C5: variants seen among roughly 807,000 people sequenced by gnomAD.
C5 encodes the protein C3 and PZP-like alpha-2-macroglobulin domain-containing protein 4.
A neutral mutation model predicts 218.8 loss-of-function variants in C5; 140 were observed. That is an observed-to-expected ratio of 0.64 (90% CI 0.56 to 0.74). The LOEUF is 0.74. Ranked by LOEUF, C5 falls within the 30% of genes least tolerant of loss-of-function variation. The pLI, the probability that C5 is intolerant of heterozygous loss-of-function variation, is 0.00. For synonymous variants in C5, 614 were observed against 682.3 expected (o/e 0.90, Z 1.56); for missense variants, 1,700 against 1,969.6 (o/e 0.86, Z 2.59).
intron 17 of C5, among the ~76,000 whole-genome samples, chr9:121,013,133 A>C (rs1300581458): frequency 6.6e-6 from 1 of 152,140 alleles, no homozygotes; most frequent in African/African-American, 2.4e-5. Flanking sequence ...CAGCCTGGCC[A>C]ATATGGTGAA....
At chr9:121,000,089 A>G in intron 20 of C5, 1 of 259,384 alleles carries the variant, frequency 3.9e-6, no homozygotes, top group Non-Finnish European at 7.7e-6. Context: ...CAAGTTATAT[A>G]TAATTGTGTT....
intron 7 of C5, among the ~76,000 whole-genome samples, chr9:121,028,547 A>G (rs2047445145): frequency 1.3e-5 from 2 of 152,322 alleles, no homozygotes; most frequent in East Asian, 3.9e-4. Flanking sequence ...CTTTGCAGGG[A>G]CATGGATGAA....
Position 121,013,086 on chromosome 9 carries a change from G to A in C5, c.2257+787C>T, listed in dbSNP as rs553454016. Among the ~76,000 whole-genome samples, 43 of 152,096 alleles carry A rather than the reference G, an allele frequency of 2.8e-4. 1 individual carries two copies. Among genetic ancestry groups the A allele is most frequent in the Admixed American group, 2.5e-3 (38 of 15,260 alleles). ...TGTAATCTCAGCACTTTGGGAGGCC[G>A]AGGTGGACGGATCACCTGAGGTCAG... On this transcript the variant is annotated intron_variant, in intron 17 of 40. Transcript: ENST00000223642.
At chr9:120,989,233 C>T (rs904175491) in intron 24 of C5, 112 bp from the exon 25 acceptor site, 20 of 840,220 alleles carry the variant, frequency 2.4e-5, no homozygotes, top group Non-Finnish European at 3.7e-5. Context: ...GGGCAGCAAG[C>T]ATATGCTCTG....
In C5 at chr9:120,989,589, G is replaced by A. The variant is rs781538264; in HGVS notation, c.3133C>T (p.Leu1045=). 20 of 1,603,772 alleles carry A rather than the reference G, an allele frequency of 1.2e-5. No homozygotes were observed. The highest frequency in any genetic ancestry group is 1.7e-5 in the Non-Finnish European group (20 of 1,174,794). The change falls in exon 24 of 41, where the codon CTG becomes TTG. Residue 1045 remains leucine (L), a synonymous_variant. Coordinates refer to ENST00000223642, the MANE Select transcript of C5 (RefSeq NM_001735.3). ...TTACCTTCTTTTAATTTTTTCTTCA[G>A]TTTCTGCTTTTCAATTAATGGGTCA... ...HSDPLIEKQK[L]KKKLKEGMLS...
Position 121,020,123 on chromosome 9 carries a change from T to C in C5, c.1359A>G (p.Arg453=), listed in dbSNP as rs746198140. The change falls in exon 12 of 41, where the codon CGA becomes CGG. Residue 453 remains arginine, a synonymous_variant. Transcript: ENST00000223642. ...GGCTGAGAGATGAGTATGCTATTGC[T>C]CGGTAACCTTCCCTGGCCTGATTTT... is the stretch of plus-strand genomic sequence containing the variant. ...PEENQAREGY[R]AIAYSSLSQS... is the part of the protein sequence containing the mutation. 25 of 1,614,094 alleles carry C rather than the reference T, an allele frequency of 1.5e-5. No individual in the cohort carries two copies. The highest frequency in any genetic ancestry group is 2.1e-5 in the Non-Finnish European group (25 of 1,179,950).
At chr9:121,002,931 A>T (rs979477274) in intron 20 of C5, among the ~76,000 whole-genome samples, 3 of 152,166 alleles carry the variant, frequency 2.0e-5, no homozygotes, top group Non-Finnish European at 4.4e-5. Flanking sequence ...CATAGGATTT[A>T]TGCAAACCCT....
At chr9:120,991,710 A>G (rs549304852) in intron 22 of C5, among the ~76,000 whole-genome samples, 139 of 152,272 alleles carry the variant, frequency 9.1e-4, no homozygotes, top group African/African-American at 2.5e-3. Context: ...TTCCCAGTCT[A>G]GTTTTGATAC....
chr9:121,034,108 C>A (rs41308010), intron 5 of C5, among the ~76,000 whole-genome samples: 2 of 151,978 alleles, frequency 1.3e-5, no homozygotes, highest in Non-Finnish European at 2.9e-5. Context: ...TTGATAGAGA[C>A]GGGGTTTCAC....
the C5 span, among the ~76,000 whole-genome samples, chr9:121,067,387 CCT>C: frequency 6.6e-6 from 1 of 151,652 alleles, no homozygotes; most frequent in Non-Finnish European, 1.5e-5. Flanking sequence ...ATGGTGAAAC[CCT>C]GTCTCTACTA....
chr9:121,034,014 A>C (rs1020881576), intron 5 of C5, among the ~76,000 whole-genome samples: 5 of 151,744 alleles, frequency 3.3e-5, no homozygotes, highest in African/African-American at 1.2e-4. Flanking sequence ...CTCACCTCCC[A>C]GATTCAAGCG....
chr9:121,070,598 AG>A, the C5 span, among the ~76,000 whole-genome samples: 1 of 151,926 alleles, frequency 6.6e-6, no homozygotes, highest in Non-Finnish European at 1.5e-5. Flanking sequence ...AATGGAAGAC[AG>A]TATATTACGT....
Position 120,989,619 on chromosome 9 carries a change from G to C in C5, c.3103C>G (p.His1035Asp), listed in dbSNP as rs774632116. 7.4e-6 allele frequency: 12 copies of C among 1,612,806 alleles called. No homozygotes were observed. The South Asian group carries it at 1.2e-4, about 16-fold the overall frequency. The change falls in exon 24 of 41, where the codon CAT (histidine) becomes GAT (aspartate). Residue 1035 changes from histidine to aspartate, a missense_variant. Physicochemically the swap from His to Asp is moderately conservative, Grantham distance 81. Coordinates refer to ENST00000223642, the MANE Select transcript of C5 (RefSeq NM_001735.3). ...LETGNHWNIF[H>D]SDPLIEKQKL... The stretch of plus-strand genomic sequence containing the variant: ...TGCTTTTCAATTAATGGGTCAGAAT[G>C]AAAAATGTTCCAATGATTTCCTGTT...
chr9:121,002,157 G>T (rs1190588699), intron 20 of C5, among the ~76,000 whole-genome samples: 1 of 146,452 alleles, frequency 6.8e-6, no homozygotes, highest in East Asian at 2.0e-4. Context: ...TATATGTATA[G>T]ATATGTACAT....
At position 121,039,929 on chromosome 9, in the gene C5, G is replaced by A. The variant is rs564162280; in HGVS notation, c.422-1978C>T. Among the ~76,000 whole-genome samples, 79 of 152,306 alleles carry A rather than the reference G, an allele frequency of 5.2e-4. 1 individual carries two copies. The highest frequency in any genetic ancestry group is 6.2e-4 in the Non-Finnish European group (42 of 68,030). ...TGGGATTACAGGCATGAGCCACCGC[G>A]CCCGGCCTTGAATGCCTTCTAATGT... On this transcript the variant is annotated intron_variant, in intron 3 of 40. Transcript: ENST00000223642.
chr9:120,976,697 T>C lies in C5; in HGVS notation c.3864+3A>G. The C allele has an allele frequency of 3.1e-6, 5 of 1,611,958 alleles. No individual in the cohort carries two copies. Among genetic ancestry groups the C allele is most frequent in the Non-Finnish European group, 4.2e-6 (5 of 1,178,016 alleles). On this transcript the variant is annotated splice_donor_region_variant and intron_variant, in intron 29 of 40. Transcript: ENST00000223642. The stretch of plus-strand genomic sequence containing the variant: ...GAGATGAAACAAGACAAAGAAATGT[T>C]ACCTGGGTTGAATAAAAGCCACCTC...
chr9:120,989,922 G>C, intron 23 of C5, 142 bp from the exon 24 acceptor site: 1 of 479,542 alleles, frequency 2.1e-6, no homozygotes. Flanking sequence ...AACGGGGTGA[G>C]AAAAAAAGAT....
intron 25 of C5, among the ~76,000 whole-genome samples, chr9:120,987,587 G>A (rs1462529367): frequency 2.8e-5 from 4 of 142,936 alleles, no homozygotes; most frequent in South Asian, 2.2e-4. Flanking sequence ...GCAGTGAGCC[G>A]AGATCGTGCC....
chr9:120,980,748 C>A (rs1162057535), intron 27 of C5, among the ~76,000 whole-genome samples: 1 of 152,054 alleles, frequency 6.6e-6, no homozygotes, highest in African/African-American at 2.4e-5. Context: ...CCCGCCACCA[C>A]GCCCGGCTAA....
Sources: gnomAD v4.1 joint callset for allele counts (sites outside exome capture counted in the v4.1 genomes callset) on GRCh38, gnomAD v4.1.1 for gene constraint, MANE v1.5 for transcripts, NCBI Gene and HGNC (gene_info 2026-07-23, HGNC 2026-07-21) for gene names.